The following LMAN1L variants were observed in gnomAD, a reference collection of about 807,000 sequenced individuals.
LMAN1L encodes the protein lectin, mannose binding 1 like.
LMAN1L carries 60 observed loss-of-function variants against 58.3 expected under a neutral mutation model. That is an observed-to-expected ratio of 1.03 (90% confidence interval 0.84 to 1.27). The LOEUF (loss-of-function observed/expected upper bound fraction) is 1.27, where lower values mean the gene tolerates loss of function less well. LMAN1L is among the 50% of genes most tolerant of loss of function. The probability of loss-of-function intolerance (pLI) is 0.00; values close to 1 mark genes in which losing one functional copy is unlikely to be tolerated. For missense variants in LMAN1L, 629 were observed against 674.0 expected (o/e 0.93, Z 0.74); for synonymous variants, 280 against 271.6 (o/e 1.03, Z -0.31).
chr15:74,816,417 GGACCT>G lies in LMAN1L; in HGVS notation c.331-8_331-4del. 1 of 1,565,844 alleles carries G rather than the reference GGACCT, an allele frequency of 6.4e-7. No homozygotes were observed. The highest frequency in any genetic ancestry group is 8.7e-7 in the Non-Finnish European group (1 of 1,152,470). On this transcript the variant is annotated splice_polypyrimidine_tract_variant and splice_region_variant and intron_variant, in intron 2 of 13. Transcript: ENST00000309664. The stretch of plus-strand genomic sequence containing the variant: ...ACGGTTCCCTGAGCTGAGGGGCTGG[GGACCT>G]GCAGGCCGTGTGGTACACCCGGGGC...
At chr15:74,824,040 C>G in intron 12 of LMAN1L, 1 of 496,316 alleles carries the variant, frequency 2.0e-6, no homozygotes, top group South Asian at 2.8e-5. Context: ...CTGTCCCATC[C>G]TCGTTCCCTC....
At chr15:74,820,188 C>G (rs1278885679) in intron 7 of LMAN1L, 89 bp downstream of exon 7, 1 of 1,156,612 alleles carries the variant, frequency 8.6e-7, no homozygotes, top group African/African-American at 1.5e-5. Context: ...GCCATTCCAG[C>G]CCTTACCTCC....
chr15:74,819,941 C>T, intron 6 of LMAN1L, 103 bp from the exon 7 acceptor site: 1 of 1,087,344 alleles, frequency 9.2e-7, no homozygotes. Context: ...CCCAAAGTCA[C>T]CCCTCTTGCC....
intron 7 of LMAN1L, 157 bp from the exon 8 acceptor site, chr15:74,820,478 G>A: frequency 3.3e-6 from 3 of 919,512 alleles, no homozygotes; most frequent in South Asian, 2.9e-5. Flanking sequence ...GGAAGATGGT[G>A]GGGATCTGCG....
intron 10 of LMAN1L, 55 bp from the exon 11 acceptor site, chr15:74,822,587 C>T: frequency 6.8e-7 from 1 of 1,463,002 alleles, no homozygotes; most frequent in Non-Finnish European, 9.6e-7. Flanking sequence ...AAGGTGGGCT[C>T]TGAGAAGAGA....
intron 4 of LMAN1L, among the ~76,000 whole-genome samples, chr15:74,818,368 G>T (rs1310298667): frequency 6.6e-6 from 1 of 152,166 alleles, no homozygotes; most frequent in African/African-American, 2.4e-5. Context: ...CACTGTCCAG[G>T]CCTTGAGTCC....
At position 74,818,818 on chromosome 15, in the gene LMAN1L, G is replaced by A. The variant is rs199775835; in HGVS notation, c.597+1G>A. The A allele has an allele frequency of 3.2e-5, 52 of 1,604,970 alleles. No individual in the cohort carries two copies. Among genetic ancestry groups the A allele is most frequent in the Middle Eastern group, 1.6e-4 (1 of 6,064 alleles). ...CACCTACTGGGGGCAGAGGCTGCGC[G>A]TGAGTCACCCTTCCTGCTTCTGACA... On this transcript the variant is annotated splice_donor_variant, in intron 5 of 13. Transcript: ENST00000309664. LOFTEE classifies it high-confidence loss of function.
intron 13 of LMAN1L, 118 bp downstream of exon 13, chr15:74,824,596 A>G (rs571952750): frequency 2.8e-5 from 34 of 1,193,588 alleles, no homozygotes; most frequent in East Asian, 4.7e-5. Flanking sequence ...CGAGTCCCCA[A>G]ATCACAAAGA....
intron 4 of LMAN1L, among the ~76,000 whole-genome samples, chr15:74,817,565 G>T (rs972836491): frequency 6.6e-6 from 1 of 152,208 alleles, no homozygotes; most frequent in East Asian, 1.9e-4. Context: ...AGAGCCTGCC[G>T]AGCCGACCTG....
At position 74,818,702 on chromosome 15, in the gene LMAN1L, A is replaced by G. The variant is rs764714456; in HGVS notation, c.498-16A>G. The stretch of plus-strand genomic sequence containing the variant: ...ACTCTTTCTCAAAAACAAACAAATG[A>G]ACAAACTGCCCACAGGGATGGAGCT... On this transcript the variant is annotated splice_polypyrimidine_tract_variant and intron_variant, in intron 4 of 13. Coordinates refer to ENST00000309664, the MANE Select transcript of LMAN1L (RefSeq NM_021819.3). 6.9e-6 allele frequency: 11 copies of G among 1,587,562 alleles called. No individual in the cohort carries two copies. Among genetic ancestry groups the G allele is most frequent in the South Asian group, 6.9e-5 (6 of 87,548 alleles).
At position 74,813,008 on chromosome 15, in the gene LMAN1L, C is replaced by T; in HGVS notation, c.154C>T (p.Pro52Ser). 6.2e-7 allele frequency: 1 copy of T among 1,613,636 alleles called. No homozygotes were observed. ...PRLALPGAGI[P>S]FWSHHGDAIL... The stretch of plus-strand genomic sequence containing the variant: ...GCTGGCATTGCCTGGGGCTGGAATA[C>T]CCTTCTGGAGCCATCATGGAGGTGA... The change falls in exon 1 of 14, where the codon CCC becomes TCC. Residue 52 changes from proline to serine, a missense_variant. Coordinates refer to ENST00000309664, the MANE Select transcript of LMAN1L (RefSeq NM_021819.3).
At chr15:74,813,931 T>G (rs1199735415) in intron 1 of LMAN1L, among the ~76,000 whole-genome samples, 3 of 151,948 alleles carry the variant, frequency 2.0e-5, no homozygotes, top group African/African-American at 7.3e-5. Flanking sequence ...TTGAAAACCA[T>G]CCTGGCCAAA....
chr15:74,819,811 G>C (rs1485749686), intron 6 of LMAN1L: 4 of 599,908 alleles, frequency 6.7e-6, no homozygotes, highest in Non-Finnish European at 1.2e-5. Context: ...GGATCGTCCA[G>C]TTCTGCCACA....
chr15:74,823,793 T>C, intron 12 of LMAN1L, 111 bp downstream of exon 12: 1 of 1,296,056 alleles, frequency 7.7e-7, no homozygotes, highest in Non-Finnish European at 1.1e-6. Flanking sequence ...TGCCCTCCCC[T>C]CCCAGGACTG....
rs1364524518 is a variant in LMAN1L, at chr15:74,820,772, G to A, written c.907+5G>A. The stretch of plus-strand genomic sequence containing the variant: ...ACTCTGAAGCTCAAGGAGAAGGTAG[G>A]GACCGAGAGAGCGGGCAGGTGGCGC... On this transcript the variant is annotated splice_donor_5th_base_variant and intron_variant, in intron 8 of 13. Transcript: ENST00000309664. 1.9e-6 allele frequency: 3 copies of A among 1,608,446 alleles called. No homozygotes were observed. Among genetic ancestry groups the A allele is most frequent in the East Asian group, 4.5e-5 (2 of 44,754 alleles).
intron 1 of LMAN1L, among the ~76,000 whole-genome samples, chr15:74,815,951 G>T (rs1388644179): frequency 6.6e-6 from 1 of 152,230 alleles, no homozygotes; most frequent in Non-Finnish European, 1.5e-5. Context: ...CGACGTGGAT[G>T]GTGCTGGCAT....
rs754780274 is a variant in LMAN1L at position 74,824,403 on chromosome 15, C to T, written c.1376C>T (p.Ser459Leu). 4.4e-5 allele frequency: 71 copies of T among 1,613,910 alleles called. No homozygotes were observed. In the Admixed American group the frequency reaches 1.0e-3, roughly 23 times the overall value. ...RPPGQPPRAS[S>L]CLQPGIFLFY... ...CCTGGCCAGCCCCCAAGGGCCTCCT[C>T]GTGCCTGCAGCCTGGCATCTTCCTG... The change falls in exon 13 of 14, where the codon TCG becomes TTG. Residue 459 changes from serine (S) to leucine (L), a missense_variant. Ser to Leu is a moderately radical substitution (Grantham distance 145). Coordinates refer to ENST00000309664, the MANE Select transcript of LMAN1L (RefSeq NM_021819.3).
chr15:74,817,207 A>G (rs1367774857), intron 4 of LMAN1L, among the ~76,000 whole-genome samples: 1 of 152,120 alleles, frequency 6.6e-6, no homozygotes, highest in East Asian at 1.9e-4. Flanking sequence ...GGCTCATAAC[A>G]ATTAGAGTAA....
intron 11 of LMAN1L, among the ~76,000 whole-genome samples, chr15:74,823,035 C>T (rs1342300662): frequency 1.3e-5 from 2 of 152,160 alleles, no homozygotes; most frequent in African/African-American, 4.8e-5. Context: ...TTGTTGGGGG[C>T]TCTTGGAGAG....
Sources: allele counts gnomAD v4.1 joint callset (sites outside exome capture counted in the v4.1 genomes callset), GRCh38; gene constraint gnomAD v4.1.1; transcripts MANE v1.5; gene names NCBI Gene and HGNC (gene_info 2026-07-23, HGNC 2026-07-21).